Variants in ZDHHC20 observed in about 807,000 individuals in gnomAD.
ZDHHC20 encodes the protein zDHHC palmitoyltransferase 20, also known as palmitoyltransferase ZDHHC20.
Under a neutral mutation model 57.8 loss-of-function variants are expected in ZDHHC20, and 43 were observed. The ratio of observed to expected loss-of-function variants is 0.74; its 90% CI spans 0.58 to 0.96. The LOEUF (loss-of-function observed/expected upper bound fraction) is 0.96. ZDHHC20 is among the 40% of genes least tolerant of loss of function. The probability of loss-of-function intolerance (pLI) is 0.00; values close to 1 mark genes in which losing one functional copy is unlikely to be tolerated. For synonymous variants in ZDHHC20, 157 were observed against 153.0 expected (o/e 1.03, Z -0.19); for missense variants, 391 against 441.1 (o/e 0.89, Z 1.02).
At chr13:21,420,832 C>T (rs527551414) in intron 3 of ZDHHC20, among the ~76,000 whole-genome samples, 17 of 152,246 alleles carry the variant, frequency 1.1e-4, no homozygotes, top group African/African-American at 4.1e-4. Flanking sequence ...CATAGCATGG[C>T]AGAAAAATAG....
rs77426251 is a variant in ZDHHC20 at position 21,438,258 on chromosome 13, A to T, written c.119-12580T>A. The stretch of plus-strand genomic sequence containing the variant: ...GATGCCACAGTGATTCCTCTGATGG[A>T]TCTAGGCAAACTACATTGATCACCT... On this transcript the variant is annotated intron_variant, in intron 1 of 12. Coordinates refer to ENST00000400590, the MANE Select transcript of ZDHHC20 (RefSeq NM_001330059.2). 1.2e-3 allele frequency among the ~76,000 whole-genome samples: 182 copies of T among 152,334 alleles called. 1 individual carries two copies. Among genetic ancestry groups the T allele is most frequent in the African/African-American group, 4.0e-3 (167 of 41,574 alleles).
At chr13:21,387,366 A>C (rs1874730439) in intron 9 of ZDHHC20, 142 bp downstream of exon 9, 2 of 593,628 alleles carry the variant, frequency 3.4e-6, no homozygotes, top group Admixed American at 9.1e-5. Flanking sequence ...TTTATGTATA[A>C]AAAAAGATAT....
chr13:21,445,991 C>T (rs1344143353), intron 1 of ZDHHC20, among the ~76,000 whole-genome samples: 1 of 152,160 alleles, frequency 6.6e-6, no homozygotes. Flanking sequence ...ACAGGAAGTT[C>T]AAGGGTCCTC....
At chr13:21,422,523 C>T (rs1244114301) in intron 2 of ZDHHC20, among the ~76,000 whole-genome samples, 1 of 152,072 alleles carries the variant, frequency 6.6e-6, no homozygotes, top group African/African-American at 2.4e-5. Context: ...ACGCAGTTGA[C>T]CAATGCAGAA....
chr13:21,415,197 T>A (rs891318525), intron 3 of ZDHHC20, among the ~76,000 whole-genome samples: 1 of 152,196 alleles, frequency 6.6e-6, no homozygotes, highest in African/African-American at 2.4e-5. Context: ...CTAAGAGACT[T>A]AGGCAATTTT....
intron 1 of ZDHHC20, among the ~76,000 whole-genome samples, chr13:21,438,956 A>AT (rs1171428072): frequency 1.3e-5 from 2 of 152,202 alleles, no homozygotes; most frequent in Admixed American, 6.5e-5. Flanking sequence ...AATTGCTAGC[A>AT]TTTTTTTAGC....
Position 21,405,134 on chromosome 13 carries a change from A to AT in ZDHHC20, c.371-2269dup, listed in dbSNP as rs556054915. 6.9e-3 allele frequency among the ~76,000 whole-genome samples: 1,032 copies of AT among 149,830 alleles called. 8 individuals carry two copies. Among genetic ancestry groups the AT allele is most frequent in the Non-Finnish European group, 0.011 (709 of 67,306 alleles). On this transcript the variant is annotated intron_variant, in intron 4 of 12. Transcript: ENST00000400590. ...TCAATCTTTTTTGGTGCCCCTAAAA[A>AT]TTTTTTTTTTTAAATAATGGACATG...
Position 21,444,842 on chromosome 13 carries a change from G to C in ZDHHC20, c.118+14212C>G, listed in dbSNP as rs1883520653. 3.3e-5 allele frequency among the ~76,000 whole-genome samples: 5 copies of C among 152,144 alleles called. 1 individual carries two copies. The highest frequency in any genetic ancestry group is 3.3e-4 in the Admixed American group (5 of 15,276). On this transcript the variant is annotated intron_variant, in intron 1 of 12. Transcript: ENST00000400590. ...AGGCTGAGGTGGGAGGACTGCTTGAGCTTAGGAGTTGGAGACCAGCCCTGG... is the reference window on the plus strand; with the variant it reads ...AGGCTGAGGTGGGAGGACTGCTTGACCTTAGGAGTTGGAGACCAGCCCTGG...
intron 7 of ZDHHC20, 111 bp from the exon 8 acceptor site, chr13:21,391,965 T>A: frequency 8.0e-7 from 1 of 1,242,310 alleles, no homozygotes; most frequent in African/African-American, 1.6e-5. Context: ...ATTTGAAAAC[T>A]AATAAATTAC....
intron 1 of ZDHHC20, among the ~76,000 whole-genome samples, chr13:21,442,399 G>A (rs373213826): frequency 1.8e-4 from 28 of 152,204 alleles, no homozygotes; most frequent in African/African-American, 5.3e-4. Context: ...TTTCTTTCCT[G>A]AGTTTGAACA....
chr13:21,378,247 T>C (rs899211453), intron 12 of ZDHHC20, among the ~76,000 whole-genome samples: 5 of 152,094 alleles, frequency 3.3e-5, no homozygotes, highest in African/African-American at 1.2e-4. Context: ...GGTCTCACTA[T>C]ACTAATTTAA....
At chr13:21,451,099 TA>T (rs1884398216) in intron 1 of ZDHHC20, among the ~76,000 whole-genome samples, 1 of 152,170 alleles carries the variant, frequency 6.6e-6, no homozygotes, top group African/African-American at 2.4e-5. Flanking sequence ...ACTTTTCCTA[TA>T]AGTATGCCAA....
intron 5 of ZDHHC20, 101 bp downstream of exon 5, chr13:21,402,696 T>C: frequency 1.1e-6 from 1 of 950,468 alleles, no homozygotes; most frequent in South Asian, 1.5e-5. Context: ...GATGAAGTGT[T>C]CTTGTCAAGT....
At chr13:21,439,084 A>T (rs540135353) in intron 1 of ZDHHC20, among the ~76,000 whole-genome samples, 1 of 152,142 alleles carries the variant, frequency 6.6e-6, no homozygotes, top group African/African-American at 2.4e-5. Flanking sequence ...CTTTATTTTG[A>T]TATTTGCTTT....
intron 2 of ZDHHC20, among the ~76,000 whole-genome samples, chr13:21,421,808 G>T (rs184486628): frequency 7.7e-4 from 117 of 152,236 alleles, no homozygotes; most frequent in Non-Finnish European, 1.2e-3. Flanking sequence ...TCTTTAAGAA[G>T]CAAGAACTAT....
intron 4 of ZDHHC20, among the ~76,000 whole-genome samples, chr13:21,407,608 G>A (rs909339993): frequency 1.3e-5 from 2 of 152,108 alleles, no homozygotes; most frequent in African/African-American, 4.8e-5. Flanking sequence ...CTTTTGCTGT[G>A]CAGAAGCTCT....
intron 1 of ZDHHC20, among the ~76,000 whole-genome samples, chr13:21,447,308 C>CTCTCCCTCTCCCCACGG: frequency 1.3e-5 from 2 of 150,428 alleles, no homozygotes; most frequent in Admixed American, 6.6e-5. Context: ...CTCCGTCTCC[C>CTCTCCCTCTCCCCACGG]TCTCCCTCTC....
intron 3 of ZDHHC20, 42 bp from the exon 4 acceptor site, chr13:21,413,814 G>A (rs1428532527): frequency 3.2e-6 from 5 of 1,540,770 alleles, no homozygotes; most frequent in Non-Finnish European, 4.4e-6. Flanking sequence ...TTAATCCCAT[G>A]ATGTTAATTA....
chr13:21,420,344 C>T (rs185051608), intron 3 of ZDHHC20, among the ~76,000 whole-genome samples: 61 of 152,274 alleles, frequency 4.0e-4, no homozygotes, highest in African/African-American at 1.4e-3. Context: ...ACCTCACAAT[C>T]TTTACAAACA....
Sources: allele counts gnomAD v4.1 joint callset (sites outside exome capture counted in the v4.1 genomes callset), GRCh38; gene constraint gnomAD v4.1.1; transcripts MANE v1.5; gene names NCBI Gene and HGNC (gene_info 2026-07-23, HGNC 2026-07-21).